Variants in RBMS3 observed in about 807,000 individuals in gnomAD.
RBMS3 encodes the protein RNA binding motif single stranded interacting protein 3.
RBMS3 carries 27 observed loss-of-function variants against 66.8 expected under a neutral mutation model. That is an observed-to-expected ratio of 0.40 (90% CI 0.30 to 0.56). The LOEUF is 0.56. Ranked by LOEUF, RBMS3 falls within the 20% of genes least tolerant of loss-of-function variation. RBMS3 has a pLI of 0.40. For missense variants in RBMS3, 513 were observed against 549.5 expected, an observed-to-expected ratio of 0.93 and a Z score of 0.66; for synonymous variants, 188 against 183.0, an observed-to-expected ratio of 1.03 and a Z score of -0.22.
At chr3:29,629,142 G>A (rs78851473) in intron 4 of RBMS3, among the ~76,000 whole-genome samples, 3,004 of 152,214 alleles carry the variant, frequency 0.02, 39 homozygotes, top group Admixed American at 0.029. Context: ...GAAAAAATGT[G>A]CATTTTAGAA....
chr3:29,686,669 C>G (rs1363585604), intron 4 of RBMS3, among the ~76,000 whole-genome samples: 1 of 152,004 alleles, frequency 6.6e-6, no homozygotes, highest in Non-Finnish European at 1.5e-5. Context: ...ACAGAAAAAC[C>G]CTGTCTGTAA....
intron 3 of RBMS3, among the ~76,000 whole-genome samples, chr3:29,514,088 G>T (rs562012825): frequency 6.6e-6 from 1 of 152,094 alleles, no homozygotes; most frequent in African/African-American, 2.4e-5. Flanking sequence ...ATATTTAAAC[G>T]TGAAGTAGCC....
At chr3:29,457,872 A>G (rs1178757751) in intron 2 of RBMS3, among the ~76,000 whole-genome samples, 1 of 145,324 alleles carries the variant, frequency 6.9e-6, no homozygotes, top group African/African-American at 2.6e-5. Flanking sequence ...TCAAATAACT[A>G]TGATTGCCAG....
chr3:29,612,119 G>A (rs981897909), intron 4 of RBMS3, among the ~76,000 whole-genome samples: 2 of 151,918 alleles, frequency 1.3e-5, no homozygotes, highest in Non-Finnish European at 1.5e-5. Flanking sequence ...GAAGAGCACC[G>A]ACTTTACTGA....
intron 1 of RBMS3, among the ~76,000 whole-genome samples, chr3:29,414,964 C>G (rs1034223250): frequency 1.3e-5 from 2 of 152,150 alleles, no homozygotes; most frequent in African/African-American, 4.8e-5. Context: ...ATTGATCAGC[C>G]TAGCATTGCT....
rs568852597 is a variant in RBMS3, at chr3:29,727,188, T to A, written c.400-12532T>A. 1.1e-4 allele frequency among the ~76,000 whole-genome samples: 16 copies of A among 152,320 alleles called. 1 individual carries two copies. The South Asian group carries it at 3.3e-3, about 32-fold the overall frequency. Reference sequence around the variant, plus strand: ...ATGCAGAAAACAGAATCTGGACCCCTTTCTTACACCTTATACAAAAATTAA... The same window carrying A: ...ATGCAGAAAACAGAATCTGGACCCCATTCTTACACCTTATACAAAAATTAA... On this transcript the variant is annotated intron_variant, in intron 4 of 14. Transcript: ENST00000383767.
chr3:29,375,658 C>G (rs2038426905), intron 1 of RBMS3, among the ~76,000 whole-genome samples: 1 of 152,178 alleles, frequency 6.6e-6, no homozygotes, highest in South Asian at 2.1e-4. Context: ...GTGATACCAT[C>G]TCACAGCAAC....
At chr3:29,957,006 T>TCTAGG (rs1179379653) in intron 12 of RBMS3, among the ~76,000 whole-genome samples, 1 of 152,136 alleles carries the variant, frequency 6.6e-6, no homozygotes, top group Admixed American at 6.6e-5. Context: ...TAGATAAACA[T>TCTAGG]GAGCAAATCC....
At chr3:29,692,398 T>A (rs982755593) in intron 4 of RBMS3, among the ~76,000 whole-genome samples, 1 of 152,198 alleles carries the variant, frequency 6.6e-6, no homozygotes, top group Non-Finnish European at 1.5e-5. Flanking sequence ...ATATTCATTG[T>A]TTTGAGCCCT....
At chr3:29,616,874 C>CAAA (rs1311139589) in intron 4 of RBMS3, 6 of 151,994 alleles carry the variant, frequency 3.9e-5, no homozygotes, top group Non-Finnish European at 1.5e-5. Flanking sequence ...ATAGTAAAGC[C>CAAA]AAAAAACCTG....
chr3:29,567,900 C>T (rs1335551934), intron 3 of RBMS3, among the ~76,000 whole-genome samples: 1 of 152,030 alleles, frequency 6.6e-6, no homozygotes. Flanking sequence ...TTTATGACTC[C>T]TAGGGGATTT....
intron 1 of RBMS3, among the ~76,000 whole-genome samples, chr3:29,419,232 C>T (rs2040603618): frequency 6.6e-6 from 1 of 152,122 alleles, no homozygotes; most frequent in Non-Finnish European, 1.5e-5. Flanking sequence ...CTATGCTGTG[C>T]TGTGTGCTGA....
intron 1 of RBMS3, among the ~76,000 whole-genome samples, chr3:29,324,559 C>T (rs1238724505): frequency 1.1e-4 from 16 of 152,092 alleles, no homozygotes; most frequent in Admixed American, 1.0e-3. Context: ...TTCTTCTGTC[C>T]TGCTGGAGTG....
intron 3 of RBMS3, among the ~76,000 whole-genome samples, chr3:29,530,298 C>T (rs2045300900): frequency 6.6e-6 from 1 of 152,084 alleles, no homozygotes; most frequent in Admixed American, 6.6e-5. Context: ...GTAAACATTC[C>T]AGAAAAATCA....
At position 29,412,034 on chromosome 3, in the gene RBMS3, T is replaced by C. The variant is rs188419002; in HGVS notation, c.76-22709T>C. On this transcript the variant is annotated intron_variant, in intron 1 of 14. Coordinates refer to ENST00000383767, the MANE Select transcript of RBMS3 (RefSeq NM_001003793.3). ...TGTTGATAGTCAAATATTTTTAAAA[T>C]TCAAATGTGCATTTAGTTAGTTTAT... 7.5e-4 allele frequency among the ~76,000 whole-genome samples: 115 copies of C among 152,368 alleles called. 1 individual carries two copies. Among genetic ancestry groups the C allele is most frequent in the Non-Finnish European group, 1.0e-3 (69 of 68,026 alleles).
At chr3:29,283,976 A>G (rs969954430) in intron 1 of RBMS3, among the ~76,000 whole-genome samples, 3 of 152,168 alleles carry the variant, frequency 2.0e-5, no homozygotes, top group Admixed American at 2.0e-4. Context: ...CAGGGTTAAT[A>G]CTATACAATG....
chr3:29,822,334 A>C (rs993752955), intron 6 of RBMS3, among the ~76,000 whole-genome samples: 7 of 152,212 alleles, frequency 4.6e-5, no homozygotes, highest in African/African-American at 1.7e-4. Flanking sequence ...TGCCATGATT[A>C]AGTAGTCCAA....
At chr3:29,330,008 CCTGGG>C (rs889103928) in intron 1 of RBMS3, among the ~76,000 whole-genome samples, 26 of 151,568 alleles carry the variant, frequency 1.7e-4, no homozygotes, top group African/African-American at 6.3e-4. Flanking sequence ...AACAATTTTT[CCTGGG>C]CAACTATTCA....
chr3:29,718,764 G>A (rs541006377), intron 4 of RBMS3, among the ~76,000 whole-genome samples: 43 of 152,290 alleles, frequency 2.8e-4, no homozygotes, highest in Middle Eastern at 3.4e-3. Context: ...AATCAGGTAG[G>A]CCAAGGAGAT....
Sources: allele counts gnomAD v4.1 joint callset (sites outside exome capture counted in the v4.1 genomes callset), GRCh38; gene constraint gnomAD v4.1.1; transcripts MANE v1.5; gene names NCBI Gene and HGNC (gene_info 2026-07-23, HGNC 2026-07-21).